VSIG1: variants seen among roughly 807,000 people sequenced by gnomAD.
VSIG1 encodes V-set and immunoglobulin domain-containing protein 1.
Under a neutral mutation model 20.1 loss-of-function variants are expected in VSIG1, and 11 were observed. The ratio of observed to expected loss-of-function variants is 0.55; its 90% CI spans 0.34 to 0.91. VSIG1 has a LOEUF of 0.91. VSIG1 is among the 40% of genes least tolerant of loss of function. The pLI is 0.02. For missense variants in VSIG1, 283 were observed against 298.8 expected (o/e 0.95, Z 0.39); for synonymous variants, 126 against 116.7 (o/e 1.08, Z -0.52).
At chrX:108,035,495 CTTTCTTTTTCTT>C in the VSIG1 span, among the ~76,000 whole-genome samples, 2 of 110,686 alleles carry the variant, frequency 1.8e-5, no homozygotes, top group African/African-American at 6.6e-5. Flanking sequence ...CTACTTGTCT[CTTTCTTTTTCTT>C]TTTCTTTCTT....
At chrX:108,043,076 C>A (rs1361889196), upstream of VSIG1, among the ~76,000 whole-genome samples, 1 of 110,987 alleles carries the variant, frequency 9.0e-6, no homozygotes, top group Non-Finnish European at 1.9e-5. Flanking sequence ...AGCCAGGGGG[C>A]CGTGAAGGTG....
chrX:108,031,882 T>C, the VSIG1 span, among the ~76,000 whole-genome samples: 5 of 112,196 alleles, frequency 4.5e-5, no homozygotes, highest in Non-Finnish European at 9.4e-5. Flanking sequence ...TGGATACTTA[T>C]AACAGCAGGC....
At chrX:108,049,987 T>C (rs1220734372) in intron 1 of VSIG1, among the ~76,000 whole-genome samples, 11 of 111,977 alleles carry the variant, frequency 9.8e-5, no homozygotes, top group Admixed American at 9.5e-4. Context: ...GGAAACTGTA[T>C]GGAGTTAAAA....
At position 108,047,790 on chromosome X, in the gene VSIG1, C is replaced by CTATA. The variant is rs780506512; in HGVS notation, c.49+2626_49+2629dup. Among the ~76,000 whole-genome samples the CTATA allele has an allele frequency of 4.1e-4, 23 of 55,652 alleles. 1 individual carries two copies. Among genetic ancestry groups the CTATA allele is most frequent in the African/African-American group, 1.4e-3 (17 of 12,292 alleles). The allele number at this position is 55,652 out of a possible 115,157, so 48.3% of individuals were successfully genotyped here. ...TCTCTCTCTCTCTCTCTCTCTCTCT[C>CTATA]TATATATATATATATATACATATAT... is the stretch of plus-strand genomic sequence containing the variant. On this transcript the variant is annotated intron_variant, in intron 1 of 6. Coordinates refer to ENST00000217957, the MANE Select transcript of VSIG1 (RefSeq NM_182607.5).
At chrX:108,020,761 A>G in the VSIG1 span, among the ~76,000 whole-genome samples, 2 of 111,456 alleles carry the variant, frequency 1.8e-5, no homozygotes, top group South Asian at 3.8e-4. Context: ...TTGCCTCCTC[A>G]GTTCTGGTAC....
chrX:108,049,431 G>A (rs758710199), intron 1 of VSIG1, among the ~76,000 whole-genome samples: 1 of 112,069 alleles, frequency 8.9e-6, no homozygotes, highest in African/African-American at 3.2e-5. Context: ...AGCACTGTTT[G>A]TGGCACAAAA....
intron 1 of VSIG1, among the ~76,000 whole-genome samples, chrX:108,046,455 G>A (rs771334254): frequency 1.3e-4 from 14 of 111,193 alleles, no homozygotes; most frequent in African/African-American, 4.6e-4. Flanking sequence ...CGACCCCTGG[G>A]CCTTCTGCAT....
At chrX:108,047,861 T>TATATATATATACACATATATATATAC (rs2030640841) in intron 1 of VSIG1, among the ~76,000 whole-genome samples, 1 of 61,197 alleles carries the variant, frequency 1.6e-5, no homozygotes, top group African/African-American at 1.0e-4. Flanking sequence ...TATATACACA[T>TATATATATATACACATATATATATAC]ATATATATAC....
At chrX:108,066,753 C>T (rs957620654) in intron 2 of VSIG1, among the ~76,000 whole-genome samples, 183 bp from the exon 3 acceptor site, 3 of 111,697 alleles carry the variant, frequency 2.7e-5, no homozygotes, top group Non-Finnish European at 5.6e-5. Context: ...GGGCCAAATG[C>T]GCAGCTGTGA....
chrX:108,022,688 G>A, the VSIG1 span, among the ~76,000 whole-genome samples: 1 of 111,836 alleles, frequency 8.9e-6, no homozygotes, highest in African/African-American at 3.3e-5. Context: ...GGTTTTCATA[G>A]ATGCCTGAAA....
intron 5 of VSIG1, 122 bp downstream of exon 5, chrX:108,073,491 T>A: frequency 1.2e-6 from 1 of 832,879 alleles, no homozygotes; most frequent in Non-Finnish European, 1.7e-6. Context: ...TTTGTGTGCT[T>A]TATATACAGG....
At chrX:108,037,956 G>A in the VSIG1 span, among the ~76,000 whole-genome samples, 10 of 111,920 alleles carry the variant, frequency 8.9e-5, no homozygotes, top group Non-Finnish European at 1.9e-4. Flanking sequence ...TTAAAATTGT[G>A]TAACCTTGCT....
chrX:108,019,362 G>C, the VSIG1 span, among the ~76,000 whole-genome samples: 1 of 112,358 alleles, frequency 8.9e-6, no homozygotes, highest in East Asian at 2.8e-4. Flanking sequence ...GCCAAATTGT[G>C]CTTCAACCCT....
chrX:108,031,500 G>A, the VSIG1 span, among the ~76,000 whole-genome samples: 1 of 111,860 alleles, frequency 8.9e-6, no homozygotes, highest in Non-Finnish European at 1.9e-5. Flanking sequence ...TTGACAAACT[G>A]GAGAGCCAGA....
chrX:108,037,596 A>G, the VSIG1 span, among the ~76,000 whole-genome samples: 1 of 112,537 alleles, frequency 8.9e-6, no homozygotes, highest in South Asian at 3.7e-4. Flanking sequence ...AATCTTCATC[A>G]AAGGGTAATG....
intron 2 of VSIG1, among the ~76,000 whole-genome samples, chrX:108,064,024 C>A (rs763420517): frequency 8.9e-6 from 1 of 112,508 alleles, no homozygotes; most frequent in East Asian, 2.8e-4. Context: ...AGGCTTTGGC[C>A]ACTGTTCAGC....
chrX:108,026,675 A>T, the VSIG1 span, among the ~76,000 whole-genome samples: 1 of 111,217 alleles, frequency 9.0e-6, no homozygotes, highest in Non-Finnish European at 1.9e-5. Context: ...CATATTCAAA[A>T]AGCTCTTAGG....
intron 2 of VSIG1, chrX:108,061,591 G>A: frequency 3.0e-6 from 3 of 983,915 alleles, no homozygotes; most frequent in East Asian, 3.3e-5. Flanking sequence ...AGACTCCAGG[G>A]CACTGGCACC....
chrX:108,039,441 C>A, the VSIG1 span, among the ~76,000 whole-genome samples: 3 of 111,643 alleles, frequency 2.7e-5, no homozygotes, highest in South Asian at 1.1e-3. Flanking sequence ...ATGATCCACC[C>A]GTCTCAGTCT....
Sources: gnomAD v4.1 joint callset for allele counts (sites outside exome capture counted in the v4.1 genomes callset) on GRCh38, gnomAD v4.1.1 for gene constraint, MANE v1.5 for transcripts, NCBI Gene and HGNC (gene_info 2026-07-23, HGNC 2026-07-21) for gene names.